Variants in NREP observed in about 807,000 individuals in gnomAD.
NREP encodes the protein neuronal regeneration-related protein.
In NREP, 5 loss-of-function variants were observed where a neutral mutation model predicts 8.6. The ratio of observed to expected loss-of-function variants is 0.58; its 90% confidence interval spans 0.30 to 1.22. NREP has a LOEUF of 1.22. NREP is among the 50% of genes most tolerant of loss of function. The pLI is 0.07. For missense variants in NREP, 86 were observed against 82.5 expected, an observed-to-expected ratio of 1.04 and a Z score of -0.17; for synonymous variants, 27 against 28.0, an observed-to-expected ratio of 0.96 and a Z score of 0.11.
chr5:111,882,574 C>T (rs1368783969), intron 2 of NREP, among the ~76,000 whole-genome samples: 1 of 152,134 alleles, frequency 6.6e-6, no homozygotes, highest in Non-Finnish European at 1.5e-5. Flanking sequence ...TAAGGGCAGC[C>T]AGAGAGAAAG....
chr5:111,736,458 A>C (rs2112795809), intron 2 of NREP, among the ~76,000 whole-genome samples: 1 of 152,340 alleles, frequency 6.6e-6, no homozygotes, highest in African/African-American at 2.4e-5. Flanking sequence ...AATAAGCCTC[A>C]CATTTAATAA....
At chr5:111,762,978 A>T (rs942202288) in intron 2 of NREP, among the ~76,000 whole-genome samples, 3 of 152,188 alleles carry the variant, frequency 2.0e-5, no homozygotes, top group African/African-American at 4.8e-5. Context: ...ATGTGTATAA[A>T]AGTTGAAGTC....
intron 2 of NREP, among the ~76,000 whole-genome samples, chr5:111,962,283 A>G (rs748370073): frequency 6.6e-6 from 1 of 152,168 alleles, no homozygotes; most frequent in Non-Finnish European, 1.5e-5. Context: ...CTAAACTTAC[A>G]TCATTAAAAA....
At chr5:111,818,293 A>C (rs1391386574) in intron 2 of NREP, among the ~76,000 whole-genome samples, 2 of 152,208 alleles carry the variant, frequency 1.3e-5, no homozygotes, top group Non-Finnish European at 2.9e-5. Flanking sequence ...TAAACATAAT[A>C]ATTGTAAAAT....
chr5:111,818,409 T>G (rs189089639), intron 2 of NREP, among the ~76,000 whole-genome samples: 12 of 152,364 alleles, frequency 7.9e-5, no homozygotes, highest in Non-Finnish European at 1.8e-4. Flanking sequence ...ATGAAGTCCT[T>G]GATTATGTAC....
intron 2 of NREP, among the ~76,000 whole-genome samples, chr5:111,748,756 A>T (rs1033467935): frequency 1.3e-5 from 2 of 152,168 alleles, no homozygotes; most frequent in African/African-American, 4.8e-5. Context: ...GGTAGAGGAA[A>T]TGGAAAAAAA....
At chr5:111,879,671 G>C (rs140232726) in intron 2 of NREP, among the ~76,000 whole-genome samples, 2 of 152,260 alleles carry the variant, frequency 1.3e-5, no homozygotes, top group East Asian at 1.9e-4. Flanking sequence ...ATATACCGTA[G>C]ACTGGACAAC....
At chr5:111,916,367 C>A (rs1755057862) in intron 2 of NREP, among the ~76,000 whole-genome samples, 2 of 152,002 alleles carry the variant, frequency 1.3e-5, no homozygotes, top group South Asian at 4.2e-4. Flanking sequence ...ATATGGCCAG[C>A]ACTCCCAGCC....
At chr5:111,955,129 C>G (rs1206027103) in intron 2 of NREP, among the ~76,000 whole-genome samples, 1 of 152,120 alleles carries the variant, frequency 6.6e-6, no homozygotes, top group African/African-American at 2.4e-5. Flanking sequence ...CTATGCCTGC[C>G]TGACACAGAA....
At chr5:111,887,612 G>C (rs1754293300) in intron 2 of NREP, among the ~76,000 whole-genome samples, 1 of 152,166 alleles carries the variant, frequency 6.6e-6, no homozygotes, top group African/African-American at 2.4e-5. Context: ...GAATGGAAAA[G>C]AGGAAGTTAA....
At chr5:111,757,493 G>A, upstream of NREP, 2 of 984,834 alleles carry the variant, frequency 2.0e-6, no homozygotes, top group Non-Finnish European at 2.4e-6. Flanking sequence ...AATTCTGATG[G>A]AGCTGGCGCG....
chr5:111,931,149 G>A (rs897783238), intron 2 of NREP, among the ~76,000 whole-genome samples: 1 of 152,014 alleles, frequency 6.6e-6, no homozygotes, highest in Non-Finnish European at 1.5e-5. Flanking sequence ...TTCTGTGGTG[G>A]TTTTAAAATA....
chr5:111,879,423 GC>G (rs1753992324), intron 2 of NREP, among the ~76,000 whole-genome samples: 1 of 152,128 alleles, frequency 6.6e-6, no homozygotes, highest in African/African-American at 2.4e-5. Context: ...AAATATATAA[GC>G]AAAATTGCAG....
chr5:111,758,151 T>A, upstream of NREP: 8 of 985,564 alleles, frequency 8.1e-6, no homozygotes, highest in Non-Finnish European at 9.6e-6. Flanking sequence ...CCCCACTCCC[T>A]TCCGCGGGGA....
chr5:111,960,548 C>T (rs1217166239), intron 2 of NREP, among the ~76,000 whole-genome samples: 1 of 152,116 alleles, frequency 6.6e-6, no homozygotes, highest in Admixed American at 6.5e-5. Context: ...GGTCAAAAAC[C>T]TCATCTCTGT....
intron 2 of NREP, among the ~76,000 whole-genome samples, chr5:111,910,316 C>T (rs1367245146): frequency 1.3e-5 from 2 of 151,988 alleles, no homozygotes; most frequent in East Asian, 3.9e-4. Flanking sequence ...GAACTTATTG[C>T]TTACCTCCCT....
intron 2 of NREP, among the ~76,000 whole-genome samples, chr5:111,944,258 C>G (rs979759392): frequency 2.0e-5 from 3 of 151,998 alleles, no homozygotes; most frequent in African/African-American, 7.2e-5. Context: ...ACTTTTCGAA[C>G]TTTGACACTT....
intron 2 of NREP, among the ~76,000 whole-genome samples, chr5:111,973,100 C>T (rs1422200573): frequency 2.0e-5 from 3 of 152,152 alleles, no homozygotes; most frequent in Non-Finnish European, 2.9e-5. Flanking sequence ...ACCATTTATG[C>T]TGTCATCTTA....
intron 2 of NREP, among the ~76,000 whole-genome samples, chr5:111,936,574 A>G: frequency 6.6e-6 from 1 of 152,090 alleles, no homozygotes; most frequent in East Asian, 1.9e-4. Context: ...TTATATCTGC[A>G]ACAATCCTAT....
Sources: allele counts gnomAD v4.1 joint callset (sites outside exome capture counted in the v4.1 genomes callset), GRCh38; gene constraint gnomAD v4.1.1; transcripts MANE v1.5; gene names NCBI Gene and HGNC (gene_info 2026-07-23, HGNC 2026-07-21).